Variants in KCNMB3 observed in about 807,000 individuals in gnomAD.
The protein encoded by KCNMB3 is potassium calcium-activated channel subfamily M regulatory beta subunit 3.
Under a neutral mutation model 11.9 loss-of-function variants are expected in KCNMB3, and 18 were observed. The observed-to-expected ratio is 1.51, with a 90% CI of 1.04 to 2.23. KCNMB3 has a LOEUF of 2.23. Among genes scored for constraint, KCNMB3 ranks in the 30% most tolerant of loss-of-function variants. The pLI is 0.00. For synonymous variants in KCNMB3, 78 were observed against 119.2 expected (o/e 0.65, Z 2.25); for missense variants, 247 against 329.4 (o/e 0.75, Z 1.94).
chr3:179,260,757 T>A, intron 1 of KCNMB3: 1 of 1,434,984 alleles, frequency 7.0e-7, no homozygotes, highest in South Asian at 1.2e-5. Context: ...AACTGCAGTA[T>A]ACTGTGGGCG....
At chr3:179,266,812 G>C in exon 1 of KCNMB3, 1 of 1,505,764 alleles carries the variant, frequency 6.6e-7, no homozygotes, top group Middle Eastern at 2.2e-4. Context: ...GAGTCCCAGC[G>C]GGAGCCCCCA....
At chr3:179,244,845 C>T in intron 1 of KCNMB3, 152 bp from the exon 2 acceptor site, 1 of 692,078 alleles carries the variant, frequency 1.4e-6, no homozygotes, top group East Asian at 2.7e-5. Context: ...TTACAGCAGG[C>T]ACATAATAAA....
chr3:179,253,507 A>G (rs941348820), upstream of KCNMB3, among the ~76,000 whole-genome samples: 6 of 152,154 alleles, frequency 3.9e-5, no homozygotes, highest in Admixed American at 6.5e-5. Flanking sequence ...ATAAAAAACT[A>G]AAACATAGAT....
chr3:179,250,638 A>T, intron 1 of KCNMB3, 105 bp downstream of exon 1: 1 of 1,125,126 alleles, frequency 8.9e-7, no homozygotes, highest in Non-Finnish European at 1.3e-6. Flanking sequence ...AGACCATGGC[A>T]GAGAGTCACA....
Position 179,242,781 on chromosome 3 carries a change from C to T in KCNMB3, c.*123G>A. ...AATGAGGCTTTTAAATTTTTTCCCA[C>T]ATGAAAATATGATACTTTAATTATT... On this transcript the variant is annotated 3_prime_UTR_variant, in exon 3 of 3. Transcript: ENST00000392685. 2 of 1,390,618 alleles carry T rather than the reference C, an allele frequency of 1.4e-6. No homozygotes were observed. The highest frequency in any genetic ancestry group is 1.9e-6 in the Non-Finnish European group (2 of 1,057,838). 86.1% of individuals were successfully genotyped at this position (1,390,618 alleles called of 1,614,324 possible).
At chr3:179,256,241 G>C (rs1726007184), upstream of KCNMB3, among the ~76,000 whole-genome samples, 1 of 152,176 alleles carries the variant, frequency 6.6e-6, no homozygotes, top group Non-Finnish European at 1.5e-5. Context: ...TTCCAGACCA[G>C]ACTGCCCAAC....
chr3:179,261,330 C>CT, intron 1 of KCNMB3: 1 of 1,053,582 alleles, frequency 9.5e-7, no homozygotes, highest in Non-Finnish European at 1.2e-6. Context: ...CGTGCCGGAG[C>CT]CCCCCCCCGC....
At chr3:179,249,237 T>C (rs887866605) in intron 1 of KCNMB3, among the ~76,000 whole-genome samples, 1 of 150,060 alleles carries the variant, frequency 6.7e-6, no homozygotes, top group African/African-American at 2.4e-5. Context: ...ATGGTCTCGA[T>C]CTCCTGACCT....
chr3:179,260,638 A>T, intron 1 of KCNMB3: 1 of 1,328,050 alleles, frequency 7.5e-7, no homozygotes, highest in South Asian at 1.2e-5. Flanking sequence ...CATTACTGAG[A>T]GTGTCGGAAG....
At chr3:179,262,271 G>A (rs894544370) in intron 1 of KCNMB3, among the ~76,000 whole-genome samples, 9 of 152,174 alleles carry the variant, frequency 5.9e-5, no homozygotes, top group African/African-American at 2.2e-4. Context: ...AAGCATGTAT[G>A]GAACATTTAT....
chr3:179,259,117 G>A, intron 1 of KCNMB3: 1 of 1,583,946 alleles, frequency 6.3e-7, no homozygotes, highest in Non-Finnish European at 8.6e-7. Flanking sequence ...TCTCCTCCTG[G>A]TGCCAACAAG....
At position 179,250,847 on chromosome 3, in the gene KCNMB3, A is replaced by G. The variant is rs758272010; in HGVS notation, c.144T>C (p.Ser48=). The change falls in exon 1 of 3, where the codon AGT becomes AGC. Residue 48 remains serine (S), a synonymous_variant. Coordinates refer to ENST00000392685, the MANE Select transcript of KCNMB3 (RefSeq NM_171830.2). ...GCATCACGGCTCGGTCCTCTCCAGC[A>G]CTGGATGGCAGCCTCTTGTGCACAT... ...PLDVHKRLPS[S]AGEDRAVMLG... is the part of the protein sequence containing the mutation. The G allele has an allele frequency of 1.2e-6, 2 of 1,614,162 alleles. No individual in the cohort carries two copies. Among genetic ancestry groups the G allele is most frequent in the South Asian group, 2.2e-5 (2 of 91,080 alleles).
At position 179,259,305 on chromosome 3, in the gene KCNMB3, T is replaced by C. The variant is rs1726124147; in HGVS notation, c.62+7344A>G. 9.6e-6 allele frequency: 15 copies of C among 1,557,014 alleles called. No individual in the cohort carries two copies. The South Asian group carries it at 1.5e-4, about 16-fold the overall frequency. Reference sequence around the variant, plus strand: ...ATCTTCGCTCTCTGGTTCTTCAGGATTGCTTTAAGTGGCACCAGCTATTTT... The same window carrying C: ...ATCTTCGCTCTCTGGTTCTTCAGGACTGCTTTAAGTGGCACCAGCTATTTT... On this transcript the variant is annotated intron_variant, in intron 1 of 3. Transcript: ENST00000349697.
At chr3:179,265,186 G>A (rs1726338721) in intron 1 of KCNMB3, among the ~76,000 whole-genome samples, 1 of 152,134 alleles carries the variant, frequency 6.6e-6, no homozygotes, top group Non-Finnish European at 1.5e-5. Context: ...TTCATGTCTA[G>A]CGAGAAGAAC....
intron 1 of KCNMB3, chr3:179,259,034 G>C: frequency 6.2e-7 from 1 of 1,613,524 alleles, no homozygotes; most frequent in South Asian, 1.1e-5. Context: ...ACATGGTACG[G>C]TCTTCTTTGC....
chr3:179,250,467 G>A (rs1725796802), intron 1 of KCNMB3, among the ~76,000 whole-genome samples: 1 of 152,182 alleles, frequency 6.6e-6, no homozygotes, highest in Non-Finnish European at 1.5e-5. Flanking sequence ...CCTAAATGAA[G>A]AAACTATAAT....
upstream of KCNMB3, chr3:179,267,015 C>G (rs1726388987): frequency 3.3e-6 from 3 of 901,440 alleles, no homozygotes; most frequent in Non-Finnish European, 4.2e-6. Context: ...TTGCCGCCAC[C>G]TCATCACCTG....
intron 1 of KCNMB3, among the ~76,000 whole-genome samples, chr3:179,246,818 G>A (rs1006010909): frequency 6.6e-5 from 10 of 152,294 alleles, no homozygotes; most frequent in African/African-American, 2.4e-4. Flanking sequence ...ATTTTAGAAA[G>A]CTTCAAAATA....
chr3:179,257,311 T>C lies in KCNMB3; in HGVS notation c.63-6377A>G, dbSNP rs75450448. On this transcript the variant is annotated intron_variant, in intron 1 of 3. Transcript: ENST00000349697. ...TTACATAATAACACTTATGTTTTCCTCAAATTTTAATGAGGATTTGGTCTT... is the reference window on the plus strand; with the variant it reads ...TTACATAATAACACTTATGTTTTCCCCAAATTTTAATGAGGATTTGGTCTT... 1.6e-3 allele frequency among the ~76,000 whole-genome samples: 247 copies of C among 152,382 alleles called. 3 individuals are homozygous for C. The highest frequency in any genetic ancestry group is 5.6e-3 in the African/African-American group (233 of 41,602).
Sources: allele counts gnomAD v4.1 joint callset (sites outside exome capture counted in the v4.1 genomes callset), GRCh38; gene constraint gnomAD v4.1.1; transcripts MANE v1.5; gene names NCBI Gene and HGNC (gene_info 2026-07-23, HGNC 2026-07-21).